The following FAM120A variants were observed in gnomAD, a reference collection of about 807,000 sequenced individuals.
The protein encoded by FAM120A is family with sequence similarity 120 member A.
Under a neutral mutation model 109.7 loss-of-function variants are expected in FAM120A, and 15 were observed. The ratio of observed to expected loss-of-function variants is 0.14; its 90% CI spans 0.09 to 0.21. The LOEUF (loss-of-function observed/expected upper bound fraction) is 0.21. FAM120A is among the 10% of genes least tolerant of loss of function. FAM120A has a pLI of 1.00. For synonymous variants in FAM120A, 493 were observed against 572.8 expected (o/e 0.86, Z 1.99); for missense variants, 899 against 1,439.3 (o/e 0.62, Z 6.07).
chr9:93,463,924 G>A (rs182123040), intron 1 of FAM120A, among the ~76,000 whole-genome samples: 5 of 152,258 alleles, frequency 3.3e-5, no homozygotes, highest in Admixed American at 2.6e-4. Flanking sequence ...TTTGTCAAGC[G>A]CTTATTATTT....
chr9:93,539,518 T>G (rs12376738), intron 10 of FAM120A, among the ~76,000 whole-genome samples: 42,391 of 152,134 alleles, frequency 0.28, 6,976 homozygotes, highest in East Asian at 0.42. Flanking sequence ...TTAATAAGAC[T>G]CAGTAGGAAC....
intron 2 of FAM120A, among the ~76,000 whole-genome samples, chr9:93,475,685 G>C (rs1858519234): frequency 6.6e-6 from 1 of 152,146 alleles, no homozygotes; most frequent in Admixed American, 6.6e-5. Context: ...CAGCTTAATG[G>C]CCTCATGAGT....
intron 7 of FAM120A, among the ~76,000 whole-genome samples, chr9:93,524,065 T>C (rs564885179): frequency 6.6e-6 from 1 of 152,362 alleles, no homozygotes; most frequent in Non-Finnish European, 1.5e-5. Context: ...TTTGTTACAC[T>C]ATCAGAGACC....
At chr9:93,466,622 A>G (rs1167314730) in intron 1 of FAM120A, among the ~76,000 whole-genome samples, 2 of 152,032 alleles carry the variant, frequency 1.3e-5, no homozygotes, top group Non-Finnish European at 2.9e-5. Context: ...CTCTGTGTCT[A>G]GGCCCTCATA....
intron 2 of FAM120A, among the ~76,000 whole-genome samples, chr9:93,475,958 T>A (rs1316768014): frequency 6.6e-6 from 1 of 152,224 alleles, no homozygotes; most frequent in East Asian, 1.9e-4. Flanking sequence ...ATCCTGACAT[T>A]GTCAGACTGA....
chr9:93,535,508 A>G (rs1211757558), intron 10 of FAM120A, among the ~76,000 whole-genome samples: 1 of 152,200 alleles, frequency 6.6e-6, no homozygotes, highest in Non-Finnish European at 1.5e-5. Context: ...TATGACAAAT[A>G]CATATTTATT....
intron 7 of FAM120A, among the ~76,000 whole-genome samples, chr9:93,518,115 T>C (rs1860677538): frequency 6.6e-6 from 1 of 152,166 alleles, no homozygotes; most frequent in African/African-American, 2.4e-5. Flanking sequence ...GAATGCAGGG[T>C]ACACCCTATA....
At chr9:93,478,119 A>T (rs1452837513) in intron 3 of FAM120A, among the ~76,000 whole-genome samples, 1 of 152,186 alleles carries the variant, frequency 6.6e-6, no homozygotes, top group African/African-American at 2.4e-5. Context: ...GGACATTTTG[A>T]TACTTTATCA....
At chr9:93,469,207 G>T (rs1858197057) in intron 1 of FAM120A, among the ~76,000 whole-genome samples, 1 of 152,232 alleles carries the variant, frequency 6.6e-6, no homozygotes, top group Non-Finnish European at 1.5e-5. Context: ...ACCCTGTGAA[G>T]CTGGGAGATG....
chr9:93,479,633 A>G (rs1386075865), intron 3 of FAM120A, among the ~76,000 whole-genome samples: 2 of 152,172 alleles, frequency 1.3e-5, no homozygotes, highest in African/African-American at 4.8e-5. Flanking sequence ...ACAAAATACC[A>G]TGGATAGGAA....
chr9:93,454,256 T>C (rs547802837), intron 1 of FAM120A, among the ~76,000 whole-genome samples: 173 of 152,372 alleles, frequency 1.1e-3, no homozygotes, highest in African/African-American at 3.5e-3. Flanking sequence ...GGTCATATTA[T>C]AGTGCGAATT....
chr9:93,525,488 A>C (rs995704178), intron 7 of FAM120A, among the ~76,000 whole-genome samples: 1 of 152,192 alleles, frequency 6.6e-6, no homozygotes, highest in Non-Finnish European at 1.5e-5. Flanking sequence ...ATGAGCCTTT[A>C]AGCTTAACAA....
chr9:93,544,895 C>T (rs1309133480), intron 11 of FAM120A, among the ~76,000 whole-genome samples: 2 of 152,138 alleles, frequency 1.3e-5, no homozygotes, highest in Non-Finnish European at 2.9e-5. Context: ...GCTGCTCTCA[C>T]CTTTTGTAAC....
intron 3 of FAM120A, among the ~76,000 whole-genome samples, chr9:93,489,386 A>C (rs763873526): frequency 1.3e-4 from 20 of 148,862 alleles, no homozygotes; most frequent in Non-Finnish European, 2.7e-4. Context: ...TCCCCCAAGA[A>C]GGGAAGGTGA....
chr9:93,459,126 C>A (rs1263330070), intron 1 of FAM120A, among the ~76,000 whole-genome samples: 1 of 152,214 alleles, frequency 6.6e-6, no homozygotes, highest in Non-Finnish European at 1.5e-5. Context: ...TTCATGGAAT[C>A]TCTTGATATT....
intron 12 of FAM120A, among the ~76,000 whole-genome samples, chr9:93,551,686 T>C (rs547014261): frequency 1.2e-3 from 186 of 152,338 alleles, no homozygotes; most frequent in Non-Finnish European, 2.0e-3. Context: ...GCTTAATAAA[T>C]TTCTAGTTTT....
intron 8 of FAM120A, among the ~76,000 whole-genome samples, chr9:93,528,658 T>G (rs968549227): frequency 1.3e-5 from 2 of 152,248 alleles, no homozygotes; most frequent in African/African-American, 4.8e-5. Context: ...ATCATGGACC[T>G]CTTTCTATGT....
intron 1 of FAM120A, among the ~76,000 whole-genome samples, chr9:93,467,333 C>T (rs1343871897): frequency 2.9e-5 from 4 of 140,302 alleles, no homozygotes; most frequent in South Asian, 4.7e-4. Context: ...CTCTGTTACT[C>T]TTGTGGTTTT....
chr9:93,530,822 A>G (rs1861297292), intron 9 of FAM120A: 1 of 152,254 alleles, frequency 6.6e-6, no homozygotes, highest in Admixed American at 6.5e-5. Flanking sequence ...TAAGGTGTGA[A>G]GAAACAACAC....
Sources: gnomAD v4.1 joint callset for allele counts (sites outside exome capture counted in the v4.1 genomes callset) on GRCh38, gnomAD v4.1.1 for gene constraint, MANE v1.5 for transcripts, NCBI Gene and HGNC (gene_info 2026-07-23, HGNC 2026-07-21) for gene names.